KDM2A: variants seen among roughly 807,000 people sequenced by gnomAD.
The protein encoded by KDM2A is lysine demethylase 2A.
A neutral mutation model predicts 137.3 loss-of-function variants in KDM2A; 3 were observed. The ratio of observed to expected loss-of-function variants is 0.02; its 90% confidence interval spans 0.01 to 0.06. KDM2A has a LOEUF of 0.06. Among genes scored for constraint, KDM2A ranks in the 10% least tolerant of loss-of-function variants. The pLI, the probability that KDM2A is intolerant of heterozygous loss-of-function variation, is 1.00. For missense variants in KDM2A, 738 were observed against 1,510.6 expected (o/e 0.49, Z 8.48); for synonymous variants, 512 against 541.5 (o/e 0.95, Z 0.76).
At position 67,254,628 on chromosome 11, in the gene KDM2A, C is replaced by G. The variant is rs1565429126; in HGVS notation, c.3307+210C>G. The G allele has an allele frequency of 6.3e-6, 4 of 638,076 alleles. No individual in the cohort carries two copies. Among genetic ancestry groups the G allele is most frequent in the South Asian group, 1.9e-5 (1 of 52,284 alleles). The allele number at this position is 638,076 out of a possible 1,614,324, so 39.5% of individuals were successfully genotyped here. ...TAGTTAAGTCGGTTGCCTGTCTGCG[C>G]AGCCAACATCCAGCTGGAGTTTGGT... On this transcript the variant is annotated intron_variant, in intron 20 of 20. Coordinates refer to ENST00000529006, the MANE Select transcript of KDM2A (RefSeq NM_012308.3). This position sits in a 1 kb window ranked among gnomAD's most constrained non-coding sequence, Gnocchi z 4.7.
intron 2 of KDM2A, among the ~76,000 whole-genome samples, chr11:67,149,787 C>T (rs1265510253): frequency 6.8e-6 from 1 of 146,982 alleles, no homozygotes; most frequent in Non-Finnish European, 1.5e-5. Context: ...ATGATACGAT[C>T]TCGGCTCACT....
At chr11:67,197,198 G>A (rs977135700) in intron 5 of KDM2A, 16 of 150,392 alleles carry the variant, frequency 1.1e-4, no homozygotes, top group Admixed American at 1.1e-3. Flanking sequence ...TTTTGAGACA[G>A]GGTATTGCTT....
At chr11:67,157,386 T>A (rs2136313269) in intron 2 of KDM2A, among the ~76,000 whole-genome samples, 1 of 150,938 alleles carries the variant, frequency 6.6e-6, no homozygotes, top group Non-Finnish European at 1.5e-5. Flanking sequence ...TGTGAGTGTG[T>A]GTGATTGACT....
intron 12 of KDM2A, among the ~76,000 whole-genome samples, chr11:67,238,894 GATC>G (rs1260683556): frequency 2.6e-5 from 4 of 152,284 alleles, no homozygotes; most frequent in African/African-American, 9.6e-5. Flanking sequence ...GTACACTGTG[GATC>G]ACTAGAAACT....
chr11:67,161,734 C>T (rs1277659984), intron 2 of KDM2A, among the ~76,000 whole-genome samples: 1 of 152,072 alleles, frequency 6.6e-6, no homozygotes, highest in Non-Finnish European at 1.5e-5. Flanking sequence ...TTTGTGAAGT[C>T]AAAACTATTT....
At chr11:67,243,267 A>C (rs982831543) in intron 13 of KDM2A, among the ~76,000 whole-genome samples, 175 bp downstream of exon 13, 2 of 152,192 alleles carry the variant, frequency 1.3e-5, no homozygotes, top group African/African-American at 2.4e-5. Context: ...GTAATTGGCT[A>C]TCTTTGGAGG....
At chr11:67,133,771 G>C (rs564826527) in intron 2 of KDM2A, among the ~76,000 whole-genome samples, 1 of 150,948 alleles carries the variant, frequency 6.6e-6, no homozygotes, top group Non-Finnish European at 1.5e-5. Flanking sequence ...GCGCCATCTC[G>C]GCTTACTATA....
rs1467362288 is a variant in KDM2A at position 67,255,091 on chromosome 11, T to C, written c.*36T>C. The C allele has an allele frequency of 3.2e-6, 5 of 1,570,922 alleles. No homozygotes were observed. The highest frequency in any genetic ancestry group is 4.3e-6 in the Non-Finnish European group (5 of 1,155,738). ...GCCCAGATTCAACAGGAAACCGATC[T>C]TCCCCTGACTCCCCACCGAGGAGAG... On this transcript the variant is annotated 3_prime_UTR_variant, in exon 21 of 21. Transcript: ENST00000529006.
intron 2 of KDM2A, among the ~76,000 whole-genome samples, chr11:67,179,263 T>TTTTTG (rs1156235761): frequency 7.9e-5 from 12 of 152,278 alleles, no homozygotes; most frequent in South Asian, 2.1e-4. Flanking sequence ...TGCTGGGTTT[T>TTTTTG]TTTTGTTTTG....
chr11:67,252,570 C>T (rs1859463780), intron 17 of KDM2A, 124 bp from the exon 18 acceptor site: 13 of 1,061,148 alleles, frequency 1.2e-5, no homozygotes, highest in Non-Finnish European at 1.8e-5. Context: ...AGGTGTGATC[C>T]CTGTACACTT....
chr11:67,188,481 C>CAAA (rs764954297), intron 5 of KDM2A, among the ~76,000 whole-genome samples: 3 of 91,940 alleles, frequency 3.3e-5, no homozygotes, highest in African/African-American at 8.2e-5. Context: ...GACTCTGTCT[C>CAAA]AAAAAAAAAA....
intron 2 of KDM2A, among the ~76,000 whole-genome samples, chr11:67,129,659 G>A (rs572832695): frequency 6.6e-5 from 10 of 151,468 alleles, no homozygotes; most frequent in African/African-American, 1.9e-4. Context: ...GTGTGAACCC[G>A]GGAGGCGGAG....
At chr11:67,124,675 G>A (rs1855677499) in intron 2 of KDM2A, among the ~76,000 whole-genome samples, 1 of 138,438 alleles carries the variant, frequency 7.2e-6, no homozygotes, top group Admixed American at 7.4e-5. Flanking sequence ...GGAGAGTCAA[G>A]TACTCTTGAC....
At chr11:67,226,157 T>C (rs1406910057) in intron 10 of KDM2A, among the ~76,000 whole-genome samples, 1 of 152,072 alleles carries the variant, frequency 6.6e-6, no homozygotes, top group Non-Finnish European at 1.5e-5. Flanking sequence ...CTCAGGAGGC[T>C]GAGGCAGGAG....
At chr11:67,251,590 T>C (rs1859430241) in intron 17 of KDM2A, among the ~76,000 whole-genome samples, 1 of 152,252 alleles carries the variant, frequency 6.6e-6, no homozygotes, top group African/African-American at 2.4e-5. Flanking sequence ...AGGAACTTTT[T>C]AGAAATGTCA....
chr11:67,205,626 T>G (rs1857780407), intron 5 of KDM2A, among the ~76,000 whole-genome samples: 1 of 151,964 alleles, frequency 6.6e-6, no homozygotes, highest in Non-Finnish European at 1.5e-5. Context: ...TTTTTTTGTT[T>G]TGTGTGTGTG....
chr11:67,236,691 C>T lies in KDM2A; in HGVS notation c.1479+4731C>T, dbSNP rs76213096. On this transcript the variant is annotated intron_variant, in intron 12 of 20. Coordinates refer to ENST00000529006, the MANE Select transcript of KDM2A (RefSeq NM_012308.3). ...AATTTATGGAAACCTATTTTCTCCT[C>T]TATAAAATATCTGTGAGATTGTTGT... Among the ~76,000 whole-genome samples the T allele has an allele frequency of 2.7e-3, 409 of 152,208 alleles. 13 individuals carry two copies. The East Asian group carries it at 0.049, about 18-fold the overall frequency.
At chr11:67,150,087 G>A (rs1419598233) in intron 2 of KDM2A, among the ~76,000 whole-genome samples, 1 of 152,132 alleles carries the variant, frequency 6.6e-6, no homozygotes, top group East Asian at 1.9e-4. Context: ...GTTGTGTAAT[G>A]ACAGATCTTA....
rs1855624587 is a variant in KDM2A, at chr11:67,122,655, A to ATTTG, written c.42+1300_42+1301insGTTT. On this transcript the variant is annotated intron_variant, in intron 2 of 20. Transcript: ENST00000529006. ...ATTTTTTATTTATTTTTATTTATTT[A>ATTTG]TTTATTTATTTATTTATTTATTTAT... Among the ~76,000 whole-genome samples, 3 of 122,806 alleles carry ATTTG rather than the reference A, an allele frequency of 2.4e-5. No homozygotes were observed. The South Asian group carries it at 6.7e-4, about 27-fold the overall frequency. The allele number at this position is 122,806 out of a possible 152,430, so 80.6% of individuals were successfully genotyped here. A position where few individuals can be genotyped will look rare whatever the true frequency, so the allele number is the denominator to read the frequency against.
Sources: gnomAD v4.1 joint callset for allele counts (sites outside exome capture counted in the v4.1 genomes callset) on GRCh38, gnomAD v4.1.1 for gene constraint, Gnocchi (gnomAD v3.1) non-coding constraint, MANE v1.5 for transcripts, NCBI Gene and HGNC (gene_info 2026-07-23, HGNC 2026-07-21) for gene names.